STRN3: variants seen among roughly 807,000 people sequenced by gnomAD.
STRN3 encodes striatin 3.
A neutral mutation model predicts 95.6 loss-of-function variants in STRN3; 29 were observed. That is an observed-to-expected ratio of 0.30 (90% confidence interval 0.23 to 0.41). The LOEUF (loss-of-function observed/expected upper bound fraction) is 0.41, where lower values mean the gene tolerates loss of function less well. STRN3 is among the 10% of genes least tolerant of loss of function. STRN3 has a pLI of 1.00. For synonymous variants in STRN3, 331 were observed against 357.6 expected, an observed-to-expected ratio of 0.93 and a Z score of 0.84; for missense variants, 890 against 972.1, an observed-to-expected ratio of 0.92 and a Z score of 1.12.
rs930086618 is a variant in STRN3, at chr14:30,894,782, T to C, written c.*629A>G. The C allele has an allele frequency of 2.5e-5, 6 of 242,842 alleles. No homozygotes were observed. Among genetic ancestry groups the C allele is most frequent in the Non-Finnish European group, 4.6e-5 (6 of 129,954 alleles). 15.0% of individuals were successfully genotyped at this position (242,842 alleles called of 1,614,324 possible). A position where few individuals can be genotyped will look rare whatever the true frequency, so the allele number is the denominator to read the frequency against. ...ATGCAGAAAAACTTCAATACAATCT[T>C]GAGCACTGTTGTGACAGGCTAAATA... On this transcript the variant is annotated 3_prime_UTR_variant, in exon 18 of 18. Transcript: ENST00000357479.
intron 1 of STRN3, among the ~76,000 whole-genome samples, chr14:31,001,441 C>T (rs188966898): frequency 1.3e-5 from 2 of 151,842 alleles, no homozygotes; most frequent in South Asian, 2.1e-4. Flanking sequence ...GAGGTTAAAG[C>T]GGAAGAATCA....
chr14:30,915,985 T>TAC (rs1438452986), intron 9 of STRN3, among the ~76,000 whole-genome samples: 1 of 152,206 alleles, frequency 6.6e-6, no homozygotes, highest in African/African-American at 2.4e-5. Flanking sequence ...TTTCTCTATA[T>TAC]ACACACATAT....
In STRN3 at chr14:31,013,867, TTATTATTATTATTA is replaced by T. The variant is rs1566493162; in HGVS notation, c.282+12023_282+12036del. On this transcript the variant is annotated intron_variant, in intron 1 of 17. Transcript: ENST00000357479. Reference sequence around the variant, plus strand: ...GCCTTGGCTTCTCAAAGCAATTTTATTATTATTATTATTATTATTATTATTATTATTATTATTAT... The same window carrying T: ...GCCTTGGCTTCTCAAAGCAATTTTATTTATTATTATTATTATTATTATTAT... 1.8e-3 allele frequency among the ~76,000 whole-genome samples: 171 copies of T among 92,728 alleles called. 4 individuals carry two copies. The highest frequency in any genetic ancestry group is 2.3e-3 in the South Asian group (5 of 2,186). 60.8% of individuals were successfully genotyped at this position (92,728 alleles called of 152,430 possible).
In STRN3 at chr14:30,973,975, G is replaced by A. The variant is rs184802463; in HGVS notation, c.283-17733C>T. The stretch of plus-strand genomic sequence containing the variant: ...AGAAAACTACTTCATCATAATAAAA[G>A]CCATATATGAAAAGCCTACAGCTAA... On this transcript the variant is annotated intron_variant, in intron 1 of 17. Coordinates refer to ENST00000357479, the MANE Select transcript of STRN3 (RefSeq NM_001083893.2). 3.8e-3 allele frequency among the ~76,000 whole-genome samples: 574 copies of A among 152,224 alleles called. 17 individuals carry two copies. Among genetic ancestry groups the A allele is most frequent in the Admixed American group, 0.036 (551 of 15,290 alleles).
chr14:30,918,481 C>T (rs1428851131), intron 9 of STRN3, among the ~76,000 whole-genome samples: 1 of 150,972 alleles, frequency 6.6e-6, no homozygotes, highest in African/African-American at 2.4e-5. Flanking sequence ...TGCACTCCAG[C>T]CTGGGAGACA....
intron 8 of STRN3, among the ~76,000 whole-genome samples, chr14:30,928,067 C>T (rs1017846819): frequency 4.0e-5 from 6 of 151,360 alleles, no homozygotes; most frequent in Admixed American, 6.6e-5. Context: ...TAGAACTAAA[C>T]ACAACCCCAG....
intron 9 of STRN3, among the ~76,000 whole-genome samples, chr14:30,916,059 T>C (rs1212485341): frequency 6.6e-6 from 1 of 152,200 alleles, no homozygotes; most frequent in African/African-American, 2.4e-5. Flanking sequence ...TACACATATA[T>C]GTGCAAAAAT....
chr14:30,900,084 G>A (rs1442591395), intron 16 of STRN3, among the ~76,000 whole-genome samples: 3 of 152,118 alleles, frequency 2.0e-5, no homozygotes, highest in African/African-American at 7.2e-5. Context: ...CAGGCCGGGC[G>A]CAGTGGCTCA....
chr14:30,949,600 CTT>C (rs1879540213), intron 4 of STRN3, among the ~76,000 whole-genome samples: 1 of 151,888 alleles, frequency 6.6e-6, no homozygotes, highest in African/African-American at 2.4e-5. Context: ...AGGAGAATCT[CTT>C]GAGTCCGGGA....
chr14:31,018,036 C>A (rs1387984754), intron 1 of STRN3, among the ~76,000 whole-genome samples: 1 of 150,112 alleles, frequency 6.7e-6, no homozygotes, highest in Admixed American at 6.6e-5. Flanking sequence ...CGGGATTGCG[C>A]CCACTGCACT....
intron 14 of STRN3, 115 bp from the exon 15 acceptor site, chr14:30,905,673 A>C: frequency 9.2e-7 from 1 of 1,082,134 alleles, no homozygotes. Flanking sequence ...GTCTTGAAAT[A>C]CTGTTAATAA....
At chr14:30,904,801 A>T (rs944928951) in intron 15 of STRN3, among the ~76,000 whole-genome samples, 12 of 152,088 alleles carry the variant, frequency 7.9e-5, no homozygotes, top group Admixed American at 7.9e-4. Context: ...TAAAAGAAAA[A>T]AACAGTGAAC....
intron 1 of STRN3, among the ~76,000 whole-genome samples, chr14:30,976,778 G>A (rs1404521865): frequency 1.3e-5 from 2 of 152,218 alleles, no homozygotes; most frequent in African/African-American, 4.8e-5. Flanking sequence ...ACTGGTCAAA[G>A]AAGTATCAGG....
At chr14:30,995,224 A>G (rs753610917) in intron 1 of STRN3, among the ~76,000 whole-genome samples, 16 of 152,344 alleles carry the variant, frequency 1.1e-4, no homozygotes, top group Middle Eastern at 3.4e-3. Flanking sequence ...CCAAAATGAC[A>G]TAACTCCAAA....
At chr14:30,934,194 C>T (rs1878702306) in intron 7 of STRN3, among the ~76,000 whole-genome samples, 1 of 152,088 alleles carries the variant, frequency 6.6e-6, no homozygotes, top group South Asian at 2.1e-4. Context: ...TGTGGTGGTG[C>T]ACGCCTGTAA....
rs749901212 is a variant in STRN3, at chr14:30,906,836, T to A, written c.1888+41A>T. On this transcript the variant is annotated intron_variant, in intron 14 of 17. Coordinates refer to ENST00000357479, the MANE Select transcript of STRN3 (RefSeq NM_001083893.2). ...TTGTCCTTTATATATTCCAATTTTT[T>A]AAAAAAACTAACTTTTCTCACAGAT... is the stretch of plus-strand genomic sequence containing the variant. The A allele has an allele frequency of 4.7e-5, 75 of 1,581,928 alleles. 1 individual carries two copies. The Middle Eastern group carries it at 1.5e-3, about 33-fold the overall frequency.
At chr14:30,936,375 T>C in intron 6 of STRN3, 120 bp downstream of exon 6, 1 of 1,200,966 alleles carries the variant, frequency 8.3e-7, no homozygotes, top group Non-Finnish European at 1.1e-6. Flanking sequence ...CATAAAACTT[T>C]TAACCAATAT....
At chr14:30,996,916 G>C (rs1239070546) in intron 1 of STRN3, among the ~76,000 whole-genome samples, 3 of 151,658 alleles carry the variant, frequency 2.0e-5, no homozygotes, top group East Asian at 3.9e-4. Flanking sequence ...ATGAGGAAAA[G>C]AACAATTACA....
chr14:30,969,177 T>C (rs1456667536), intron 1 of STRN3, among the ~76,000 whole-genome samples: 1 of 152,222 alleles, frequency 6.6e-6, no homozygotes, highest in East Asian at 1.9e-4. Flanking sequence ...GGCTCACGCC[T>C]GTAATCCCAG....
Sources: allele counts gnomAD v4.1 joint callset (sites outside exome capture counted in the v4.1 genomes callset), GRCh38; gene constraint gnomAD v4.1.1; transcripts MANE v1.5; gene names NCBI Gene and HGNC (gene_info 2026-07-23, HGNC 2026-07-21).